AKAP19: variants seen among roughly 807,000 people sequenced by gnomAD.
The protein encoded by AKAP19 is A-kinase anchoring protein 19.
the AKAP19 span, among the ~76,000 whole-genome samples, chr2:190,044,606 G>A: frequency 6.6e-6 from 1 of 152,066 alleles, no homozygotes; most frequent in Non-Finnish European, 1.5e-5. Context: ...TAGCTCTGGT[G>A]GGGGGTGACT....
the AKAP19 span, among the ~76,000 whole-genome samples, chr2:190,154,727 C>G: frequency 6.6e-6 from 1 of 152,184 alleles, no homozygotes; most frequent in East Asian, 1.9e-4. Flanking sequence ...TCACATCTAA[C>G]TATGTTCCAC....
At chr2:189,912,142 GT>G in the AKAP19 span, among the ~76,000 whole-genome samples, 15 of 151,670 alleles carry the variant, frequency 9.9e-5, no homozygotes, top group Non-Finnish European at 1.5e-4. Context: ...CTTATTATTT[GT>G]TTTTTTCAGT....
chr2:190,034,801 C>T, the AKAP19 span, among the ~76,000 whole-genome samples: 6 of 125,070 alleles, frequency 4.8e-5, no homozygotes. Context: ...TTGCAATGAG[C>T]AGAGATTGCA....
At chr2:190,138,299 C>T in the AKAP19 span, among the ~76,000 whole-genome samples, 1 of 152,096 alleles carries the variant, frequency 6.6e-6, no homozygotes, top group African/African-American at 2.4e-5. Context: ...AGAGGTTATG[C>T]CAGAACTTGA....
At chr2:190,171,283 T>G in the AKAP19 span, among the ~76,000 whole-genome samples, 1 of 151,770 alleles carries the variant, frequency 6.6e-6, no homozygotes, top group African/African-American at 2.4e-5. Flanking sequence ...AATATTTTAC[T>G]GAAGGTGAAG....
the AKAP19 span, among the ~76,000 whole-genome samples, chr2:190,048,466 A>C: frequency 6.6e-6 from 1 of 152,216 alleles, no homozygotes; most frequent in Admixed American, 6.5e-5. Flanking sequence ...TGTTACTTCT[A>C]TAAACCAGTG....
At chr2:189,931,769 C>T in the AKAP19 span, among the ~76,000 whole-genome samples, 1 of 152,016 alleles carries the variant, frequency 6.6e-6, no homozygotes, top group Admixed American at 6.6e-5. Context: ...TAGGCACGCA[C>T]CACCATGCTC....
chr2:190,121,178 T>C, the AKAP19 span, among the ~76,000 whole-genome samples: 5 of 150,878 alleles, frequency 3.3e-5, no homozygotes, highest in South Asian at 8.4e-4. Flanking sequence ...CAGTGGCATA[T>C]CATGGCTCAC....
At chr2:190,041,692 A>G in the AKAP19 span, among the ~76,000 whole-genome samples, 1 of 152,166 alleles carries the variant, frequency 6.6e-6, no homozygotes, top group East Asian at 1.9e-4. Flanking sequence ...ATGTTCCTTC[A>G]ATACCTAATT....
the AKAP19 span, chr2:190,060,327 C>T: frequency 6.2e-7 from 1 of 1,612,864 alleles, no homozygotes; most frequent in Admixed American, 1.7e-5. Flanking sequence ...CTCGACGGGT[C>T]TCAAATATAT....
chr2:189,952,140 CTT>C, the AKAP19 span, among the ~76,000 whole-genome samples: 1 of 152,204 alleles, frequency 6.6e-6, no homozygotes, highest in Admixed American at 6.5e-5. Flanking sequence ...GGTATACACA[CTT>C]TTGAGCCTAA....
At chr2:190,080,724 G>T in the AKAP19 span, among the ~76,000 whole-genome samples, 1 of 152,194 alleles carries the variant, frequency 6.6e-6, no homozygotes, top group Non-Finnish European at 1.5e-5. Flanking sequence ...TGAAGATAGA[G>T]AATTATACAA....
At chr2:190,202,882 T>G in the AKAP19 span, 1 of 167,118 alleles carries the variant, frequency 6.0e-6, no homozygotes, top group Non-Finnish European at 1.5e-5. Context: ...TTGTCGCTTA[T>G]GTACTGTTGT....
the AKAP19 span, among the ~76,000 whole-genome samples, chr2:189,975,794 A>G: frequency 1.3e-5 from 2 of 151,976 alleles, no homozygotes. Context: ...AAGCTTGTGC[A>G]TTCGTCAAGT....
the AKAP19 span, among the ~76,000 whole-genome samples, chr2:190,071,666 A>G: frequency 2.0e-5 from 3 of 152,202 alleles, no homozygotes; most frequent in African/African-American, 7.2e-5. Flanking sequence ...AATACCAGTA[A>G]TATCTAACAA....
chr2:190,124,071 C>G, the AKAP19 span, among the ~76,000 whole-genome samples: 2 of 152,162 alleles, frequency 1.3e-5, no homozygotes, highest in African/African-American at 4.8e-5. Context: ...GTTATATGAT[C>G]GGCTGCCCTG....
the AKAP19 span, among the ~76,000 whole-genome samples, chr2:189,936,615 T>C: frequency 4.6e-5 from 7 of 152,066 alleles, no homozygotes; most frequent in African/African-American, 1.2e-4. Flanking sequence ...TCCTACATTA[T>C]AGGATAAAGA....
the AKAP19 span, among the ~76,000 whole-genome samples, chr2:190,093,044 C>A: frequency 6.6e-6 from 1 of 152,100 alleles, no homozygotes; most frequent in Non-Finnish European, 1.5e-5. Flanking sequence ...GACCACACGT[C>A]TGAAGAAACT....
the AKAP19 span, among the ~76,000 whole-genome samples, chr2:189,936,447 G>A: frequency 1.1e-4 from 17 of 152,092 alleles, no homozygotes; most frequent in Admixed American, 8.5e-4. Context: ...TTCTAGGGTA[G>A]GTTTTGAGAG....
Sources: gnomAD v4.1 joint callset for allele counts (sites outside exome capture counted in the v4.1 genomes callset) on GRCh38, gnomAD v4.1.1 for gene constraint, MANE v1.5 for transcripts, NCBI Gene and HGNC (gene_info 2026-07-23, HGNC 2026-07-21) for gene names.